CACNA1C: variants seen among roughly 807,000 people sequenced by gnomAD.
The protein encoded by CACNA1C is voltage-dependent L-type calcium channel subunit alpha-1C.
Under a neutral mutation model 229.0 loss-of-function variants are expected in CACNA1C, and 30 were observed. That is an observed-to-expected ratio of 0.13 (90% CI 0.10 to 0.18). The LOEUF (loss-of-function observed/expected upper bound fraction) is 0.18, where lower values mean the gene tolerates loss of function less well. Ranked by LOEUF, CACNA1C falls within the 10% of genes least tolerant of loss-of-function variation. The pLI is 1.00. For synonymous variants in CACNA1C, 1,114 were observed against 1,132.5 expected, an observed-to-expected ratio of 0.98 and a Z score of 0.33; for missense variants, 1,658 against 2,845.0, an observed-to-expected ratio of 0.58 and a Z score of 9.49.
intron 3 of CACNA1C, among the ~76,000 whole-genome samples, chr12:2,191,527 C>G (rs1397775872): frequency 2.0e-5 from 3 of 152,174 alleles, no homozygotes; most frequent in African/African-American, 7.2e-5. Flanking sequence ...CACACATACA[C>G]TCACACATAC....
At chr12:2,603,112 C>T (rs2073578207) in intron 22 of CACNA1C, among the ~76,000 whole-genome samples, 2 of 152,166 alleles carry the variant, frequency 1.3e-5, no homozygotes. Context: ...AGTTATATTA[C>T]CCCATATTTT....
rs1454367099 is a variant in CACNA1C, at chr12:2,346,409, AC to A, written c.478-102562del. On this transcript the variant is annotated intron_variant, in intron 3 of 46. Transcript: ENST00000399655. This position sits in a 1 kb window ranked among gnomAD's most constrained non-coding sequence, Gnocchi z 4.4. ...CTGTGTTTGGGCAAGACTGTGTTCC[AC>A]CCCCTTCCCCAGGCTTGGGACAAGC... is the stretch of plus-strand genomic sequence containing the variant. 1.6e-4 allele frequency among the ~76,000 whole-genome samples: 24 copies of A among 151,150 alleles called. No homozygotes were observed. The highest frequency in any genetic ancestry group is 5.8e-4 in the African/African-American group (24 of 41,116).
At chr12:2,099,527 G>T (rs2075550129) in intron 1 of CACNA1C, among the ~76,000 whole-genome samples, 1 of 152,200 alleles carries the variant, frequency 6.6e-6, no homozygotes, top group South Asian at 2.1e-4. Flanking sequence ...CCTTCCAGAG[G>T]CAGGAATCTG....
chr12:2,193,193 G>C (rs2097294833), intron 3 of CACNA1C, among the ~76,000 whole-genome samples: 1 of 152,242 alleles, frequency 6.6e-6, no homozygotes, highest in African/African-American at 2.4e-5. Context: ...AGAGGCCCAT[G>C]CCTGAAATTC....
At chr12:2,316,618 G>A (rs2095704337) in intron 3 of CACNA1C, among the ~76,000 whole-genome samples, 1 of 152,340 alleles carries the variant, frequency 6.6e-6, no homozygotes, top group Non-Finnish European at 1.5e-5. Flanking sequence ...GGAATAGCAT[G>A]TATATGGTCA....
At chr12:2,197,474 A>T (rs1006589703) in intron 3 of CACNA1C, among the ~76,000 whole-genome samples, 1 of 152,220 alleles carries the variant, frequency 6.6e-6, no homozygotes, top group South Asian at 2.1e-4. Flanking sequence ...ATTAAGACTC[A>T]GTGATATAAT....
At chr12:2,341,939 T>C (rs2096876534) in intron 3 of CACNA1C, among the ~76,000 whole-genome samples, 1 of 152,200 alleles carries the variant, frequency 6.6e-6, no homozygotes, top group Non-Finnish European at 1.5e-5. Flanking sequence ...TAAGGCCCAC[T>C]GATAGCCTCG....
rs1238867141 is a variant in CACNA1C, at chr12:2,653,776, A to G, written c.4075-59A>G. 2.7e-6 allele frequency: 4 copies of G among 1,473,760 alleles called. No individual in the cohort carries two copies. Among genetic ancestry groups the G allele is most frequent in the South Asian group, 2.3e-5 (2 of 87,476 alleles). 91.3% of individuals were successfully genotyped at this position (1,473,760 alleles called of 1,614,324 possible). A position where few individuals can be genotyped will look rare whatever the true frequency, so the allele number is the denominator to read the frequency against. The stretch of plus-strand genomic sequence containing the variant: ...GACAGGGATGCGGCGCTCCCTGGGA[A>G]GGGGCCCAGCTGGCCTCTGCACTCC... On this transcript the variant is annotated intron_variant, in intron 32 of 46. Coordinates refer to ENST00000399655, the MANE Select transcript of CACNA1C (RefSeq NM_000719.7). This position sits in a 1 kb window ranked among gnomAD's most constrained non-coding sequence, Gnocchi z 4.7.
rs747593586 is a variant in CACNA1C at position 2,566,527 on chromosome 12, G to A, written c.1614G>A (p.Thr538=). The A allele has an allele frequency of 2.5e-5, 40 of 1,594,904 alleles. No homozygotes were observed. Among genetic ancestry groups the A allele is most frequent in the South Asian group, 1.6e-4 (14 of 87,370 alleles). ...WLVIFLVFLN[T]LTIASEHYNQ... Reference sequence around the variant, plus strand: ...TGATTTTCCTGGTGTTCCTCAACACGCTCACCATTGCCTCTGAGCACTACA... The same window carrying A: ...TGATTTTCCTGGTGTTCCTCAACACACTCACCATTGCCTCTGAGCACTACA... The change falls in exon 12 of 47, where the codon ACG becomes ACA. Residue 538 remains threonine (T), a synonymous_variant. Coordinates refer to ENST00000399655, the MANE Select transcript of CACNA1C (RefSeq NM_000719.7). This position sits in a 1 kb window ranked among gnomAD's most constrained non-coding sequence, Gnocchi z 4.0.
rs1407561599 is a variant in CACNA1C, at chr12:2,152,524, A to G, written c.477+32094A>G. On this transcript the variant is annotated intron_variant, in intron 3 of 46. Transcript: ENST00000399655. The surrounding 1 kb of genome is among the most constrained non-coding windows in gnomAD (Gnocchi z 4.2). Reference sequence around the variant, plus strand: ...TCCAGGTGCTGGAGCAACCATTCAGAAGGCGGTGATGGCTGGGGGAGGGCT... The same window carrying G: ...TCCAGGTGCTGGAGCAACCATTCAGGAGGCGGTGATGGCTGGGGGAGGGCT... Among the ~76,000 whole-genome samples the G allele has an allele frequency of 2.0e-5, 3 of 152,154 alleles. No individual in the cohort carries two copies. Among genetic ancestry groups the G allele is most frequent in the African/African-American group, 7.2e-5 (3 of 41,434 alleles).
chr12:2,356,647 C>T (rs1253131785), intron 3 of CACNA1C, among the ~76,000 whole-genome samples: 1 of 152,270 alleles, frequency 6.6e-6, no homozygotes, highest in Non-Finnish European at 1.5e-5. Context: ...CAGATGACCT[C>T]TGTGTGGCCA....
rs1250236588 is a variant in CACNA1C at position 2,602,907 on chromosome 12, G to C, written c.2960+947G>C. ...CACACAAAACGATGGGGGAGACGGG[G>C]CAAGTGTTATCATGATTGTATAGAT... On this transcript the variant is annotated intron_variant, in intron 22 of 46. Coordinates refer to ENST00000399655, the MANE Select transcript of CACNA1C (RefSeq NM_000719.7). This position sits in a 1 kb window ranked among gnomAD's most constrained non-coding sequence, Gnocchi z 4.4. Among the ~76,000 whole-genome samples, 4 of 152,138 alleles carry C rather than the reference G, an allele frequency of 2.6e-5. No homozygotes were observed.
At chr12:2,461,366 T>A (rs2099500218) in intron 5 of CACNA1C, among the ~76,000 whole-genome samples, 2 of 152,166 alleles carry the variant, frequency 1.3e-5, no homozygotes, top group African/African-American at 4.8e-5. Context: ...CTTCTTGGAA[T>A]CCTTTGCTGA....
intron 3 of CACNA1C, among the ~76,000 whole-genome samples, chr12:2,352,018 A>G (rs2097215703): frequency 2.0e-5 from 3 of 152,196 alleles, no homozygotes; most frequent in African/African-American, 7.2e-5. Context: ...TGACTCAGAA[A>G]TGTGTTGGTT....
At chr12:2,097,656 G>A (rs1171779565) in intron 1 of CACNA1C, among the ~76,000 whole-genome samples, 2 of 152,188 alleles carry the variant, frequency 1.3e-5, no homozygotes, top group African/African-American at 4.8e-5. Context: ...GTGAGCCGCC[G>A]GGGCTCTCTG....
intron 1 of CACNA1C, among the ~76,000 whole-genome samples, chr12:2,018,681 A>G (rs1269159171): frequency 6.6e-6 from 1 of 152,180 alleles, no homozygotes; most frequent in Admixed American, 6.5e-5. Flanking sequence ...AATAAGCACA[A>G]CTCAACTAAT....
intron 11 of CACNA1C, among the ~76,000 whole-genome samples, chr12:2,560,961 T>C (rs2047165397): frequency 6.6e-6 from 1 of 151,802 alleles, no homozygotes; most frequent in South Asian, 2.1e-4. Flanking sequence ...CACCATTGCA[T>C]GTCAAGCAAA....
chr12:2,291,695 G>A (rs2093532462), intron 3 of CACNA1C, among the ~76,000 whole-genome samples: 1 of 152,212 alleles, frequency 6.6e-6, no homozygotes, highest in African/African-American at 2.4e-5. Context: ...CCTGTTCTGG[G>A]TAGAGCATCC....
chr12:2,367,822 A>T (rs2097762620), intron 3 of CACNA1C, among the ~76,000 whole-genome samples: 1 of 152,198 alleles, frequency 6.6e-6, no homozygotes, highest in Non-Finnish European at 1.5e-5. Flanking sequence ...TTTCTAGAAA[A>T]ATATAAATTT....
Sources: allele counts gnomAD v4.1 joint callset (sites outside exome capture counted in the v4.1 genomes callset), GRCh38; gene constraint gnomAD v4.1.1; non-coding constraint Gnocchi (gnomAD v3.1); transcripts MANE v1.5; gene names NCBI Gene and HGNC (gene_info 2026-07-23, HGNC 2026-07-21).